The following VPS13D variants were observed in gnomAD, a reference collection of about 807,000 sequenced individuals.
VPS13D encodes the protein vacuolar protein sorting 13 homolog D, also known as intermembrane lipid transfer protein VPS13D.
A neutral mutation model predicts 461.9 loss-of-function variants in VPS13D; 187 were observed. That is an observed-to-expected ratio of 0.40 (90% CI 0.36 to 0.46). VPS13D has a LOEUF of 0.46. Among genes scored for constraint, VPS13D ranks in the 20% least tolerant of loss-of-function variants. VPS13D has a pLI of 0.60. For synonymous variants in VPS13D, 1,951 were observed against 1,986.3 expected, an observed-to-expected ratio of 0.98 and a Z score of 0.47; for missense variants, 4,711 against 5,364.9, an observed-to-expected ratio of 0.88 and a Z score of 3.81.
intron 24 of VPS13D, among the ~76,000 whole-genome samples, chr1:12,295,621 C>T (rs571226435): frequency 1.3e-5 from 2 of 152,148 alleles, no homozygotes; most frequent in Non-Finnish European, 2.9e-5. Context: ...TGAATTTGCT[C>T]ATGGAATATA....
chr1:12,420,983 C>T (rs952023213), intron 65 of VPS13D, among the ~76,000 whole-genome samples: 2 of 152,180 alleles, frequency 1.3e-5, no homozygotes, highest in Admixed American at 6.5e-5. Flanking sequence ...TGGAATTTCT[C>T]ATTTCTTTTT....
At chr1:12,388,629 A>C (rs921733034) in intron 60 of VPS13D, among the ~76,000 whole-genome samples, 1 of 152,084 alleles carries the variant, frequency 6.6e-6, no homozygotes, top group Admixed American at 6.6e-5. Flanking sequence ...GAAGGCAGAA[A>C]ACAGAAAGCA....
intron 60 of VPS13D, among the ~76,000 whole-genome samples, chr1:12,398,966 C>T (rs1644536092): frequency 2.0e-5 from 3 of 152,144 alleles, no homozygotes; most frequent in East Asian, 1.9e-4. Flanking sequence ...CCTCTCTTCT[C>T]AGCTTCTTCC....
chr1:12,427,518 C>T (rs1644938319), intron 65 of VPS13D, among the ~76,000 whole-genome samples: 1 of 151,526 alleles, frequency 6.6e-6, no homozygotes, highest in East Asian at 1.9e-4. Context: ...CTGTACTGAA[C>T]ATGTACATGT....
rs1643348684 is a variant in VPS13D, at chr1:12,332,143, A to C, written c.8288-1083A>C. Among the ~76,000 whole-genome samples the C allele has an allele frequency of 2.0e-5, 3 of 152,354 alleles. No individual in the cohort carries two copies. The South Asian group carries it at 6.2e-4, about 32-fold the overall frequency. Reference sequence around the variant, plus strand: ...CCACTACTGTGTAAAACAATTTGGCATGACCTGGTAAATTTGAGTGTAAGC... The same window carrying C: ...CCACTACTGTGTAAAACAATTTGGCCTGACCTGGTAAATTTGAGTGTAAGC... On this transcript the variant is annotated intron_variant, in intron 37 of 69. Coordinates refer to ENST00000620676, the MANE Select transcript of VPS13D (RefSeq NM_015378.4).
intron 2 of VPS13D, among the ~76,000 whole-genome samples, chr1:12,239,308 GT>G (rs1640269520): frequency 6.6e-6 from 1 of 151,926 alleles, no homozygotes; most frequent in African/African-American, 2.4e-5. Context: ...CCGGCTATTT[GT>G]TTTATTTTTT....
At chr1:12,488,152 C>T (rs768627106) in intron 67 of VPS13D, among the ~76,000 whole-genome samples, 4 of 152,158 alleles carry the variant, frequency 2.6e-5, no homozygotes, top group African/African-American at 4.8e-5. Flanking sequence ...CAGGGTGCTC[C>T]GTCCAGATAC....
chr1:12,449,862 T>C (rs557202389), intron 65 of VPS13D, among the ~76,000 whole-genome samples: 1 of 152,338 alleles, frequency 6.6e-6, no homozygotes, highest in South Asian at 2.1e-4. Flanking sequence ...CGGTGGCTTA[T>C]GCCTGTAATC....
At chr1:12,242,983 C>T (rs181214724) in intron 3 of VPS13D, among the ~76,000 whole-genome samples, 11 of 149,424 alleles carry the variant, frequency 7.4e-5, no homozygotes, top group African/African-American at 2.2e-4. Context: ...GATGGAGTCT[C>T]GCTCTGTCAC....
At chr1:12,381,935 TTTCTTTC>T (rs1644282193) in intron 57 of VPS13D, among the ~76,000 whole-genome samples, 3 of 111,466 alleles carry the variant, frequency 2.7e-5, no homozygotes, top group African/African-American at 1.2e-4. Context: ...TCTTTCTTTC[TTTCTTTC>T]TTTCTTTCTT....
intron 60 of VPS13D, among the ~76,000 whole-genome samples, chr1:12,389,617 C>G (rs1442955178): frequency 6.6e-6 from 1 of 152,042 alleles, no homozygotes; most frequent in Non-Finnish European, 1.5e-5. Flanking sequence ...AGGAAATACT[C>G]ATGACAATTG....
intron 65 of VPS13D, among the ~76,000 whole-genome samples, chr1:12,434,763 G>A (rs1645038068): frequency 6.6e-6 from 1 of 152,158 alleles, no homozygotes; most frequent in Admixed American, 6.5e-5. Context: ...ACATAAGCTT[G>A]TCTGTGCACA....
intron 30 of VPS13D, among the ~76,000 whole-genome samples, chr1:12,314,846 C>T (rs1324066163): frequency 1.3e-5 from 2 of 152,220 alleles, no homozygotes; most frequent in Non-Finnish European, 2.9e-5. Flanking sequence ...TGGAATCAGA[C>T]AGATCTGGGC....
At chr1:12,244,858 A>T (rs1640496643) in intron 5 of VPS13D, among the ~76,000 whole-genome samples, 1 of 152,242 alleles carries the variant, frequency 6.6e-6, no homozygotes, top group East Asian at 1.9e-4. Context: ...AGGAGTTTTC[A>T]CATCTCTTCC....
chr1:12,507,167 C>T lies in VPS13D; in HGVS notation c.13035+74C>T. ...CGATGCCTCTGCCCTGCTTCCCCGT[C>T]CTCAGCAGGAGCTCATTTAGGAGGT... On this transcript the variant is annotated intron_variant, in intron 69 of 69. Transcript: ENST00000620676. The surrounding 1 kb of genome is among the most constrained non-coding windows in gnomAD (Gnocchi z 5.3). 1.2e-6 allele frequency: 2 copies of T among 1,608,628 alleles called. No homozygotes were observed. The highest frequency in any genetic ancestry group is 1.7e-6 in the Non-Finnish European group (2 of 1,176,990).
At chr1:12,500,091 C>T (rs1170057150) in intron 68 of VPS13D, 2 of 985,232 alleles carry the variant, frequency 2.0e-6, no homozygotes, top group Admixed American at 1.2e-4. Context: ...GTAATTATTT[C>T]CCGATGGAGT....
At chr1:12,254,134 T>C (rs1640832027) in intron 7 of VPS13D, among the ~76,000 whole-genome samples, 2 of 152,376 alleles carry the variant, frequency 1.3e-5, no homozygotes, top group East Asian at 3.8e-4. Flanking sequence ...TTCATTGCTC[T>C]GACCACTGCA....
chr1:12,413,062 C>T (rs1406201160), intron 63 of VPS13D, among the ~76,000 whole-genome samples: 1 of 152,174 alleles, frequency 6.6e-6, no homozygotes, highest in Non-Finnish European at 1.5e-5. Flanking sequence ...AATCTCACTT[C>T]TCAACTGAAA....
At chr1:12,483,856 G>T (rs1341435985) in intron 67 of VPS13D, among the ~76,000 whole-genome samples, 2 of 152,004 alleles carry the variant, frequency 1.3e-5, no homozygotes, top group Non-Finnish European at 2.9e-5. Flanking sequence ...AAATTACCTG[G>T]GTGTGGTGGC....
Sources: allele counts gnomAD v4.1 joint callset (sites outside exome capture counted in the v4.1 genomes callset), GRCh38; gene constraint gnomAD v4.1.1; non-coding constraint Gnocchi (gnomAD v3.1); transcripts MANE v1.5; gene names NCBI Gene and HGNC (gene_info 2026-07-23, HGNC 2026-07-21).